The following SERPINA6 variants were observed in gnomAD, a reference collection of about 807,000 sequenced individuals.
SERPINA6 encodes the protein serpin family A member 6.
In SERPINA6, 19 loss-of-function variants were observed where a neutral mutation model predicts 26.4. The ratio of observed to expected loss-of-function variants is 0.72; its 90% CI spans 0.50 to 1.06. The LOEUF is 1.06. Ranked by LOEUF, SERPINA6 falls within the 50% of genes least tolerant of loss-of-function variation. The pLI is 0.00. For synonymous variants in SERPINA6, 196 were observed against 199.4 expected (o/e 0.98, Z 0.14); for missense variants, 473 against 504.0 (o/e 0.94, Z 0.59).
In SERPINA6 at chr14:94,314,316, G is replaced by T. The variant is rs776044619; in HGVS notation, c.333C>A (p.His111Gln). 6.4e-5 allele frequency: 103 copies of T among 1,614,068 alleles called. No individual in the cohort carries two copies. The highest frequency in any genetic ancestry group is 8.4e-5 in the Non-Finnish European group (99 of 1,180,030). Residue 111 changes from histidine (H) to glutamine (Q), a missense_variant, in exon 2 of 5, where the codon CAC (histidine) becomes CAA (glutamine). His to Gln is a conservative substitution (Grantham distance 24, BLOSUM62 0). Transcript: ENST00000341584. ...SETEIHQGFQ[H>Q]LHQLFAKSDT... is the part of the protein sequence containing the mutation. ...CTGACTTTGCAAAGAGTTGGTGCAGGTGCTGGAAACCCTGGTGGATCTCAG... is the reference window on the plus strand; with the variant it reads ...CTGACTTTGCAAAGAGTTGGTGCAGTTGCTGGAAACCCTGGTGGATCTCAG...
At chr14:94,323,068 C>A (rs1407567614) in intron 1 of SERPINA6, among the ~76,000 whole-genome samples, 199 bp downstream of exon 1, 1 of 152,212 alleles carries the variant, frequency 6.6e-6, no homozygotes, top group Non-Finnish European at 1.5e-5. Flanking sequence ...ACATCGGAAC[C>A]CCTGTGGATG....
At chr14:94,309,364 G>A (rs11623055) in intron 3 of SERPINA6, among the ~76,000 whole-genome samples, 72,359 of 151,828 alleles carry the variant, frequency 0.48, 18,376 homozygotes, top group East Asian at 0.93. Flanking sequence ...AGAATCTTTA[G>A]CAGGGCGTGG....
chr14:94,314,686 T>C lies in SERPINA6; in HGVS notation c.-19-19A>G, dbSNP rs564030930. On this transcript the variant is annotated intron_variant, in intron 1 of 4. Transcript: ENST00000341584. ...CCAGGCCCTGCCAAATCAGAAAAGC[T>C]TGTTAGATGCTGTGGCAGTCTCTGA... The C allele has an allele frequency of 1.0e-4, 166 of 1,605,776 alleles. No individual in the cohort carries two copies. The highest frequency in any genetic ancestry group is 1.6e-4 in the Middle Eastern group (1 of 6,078).
chr14:94,310,959 C>A (rs567261942), intron 2 of SERPINA6, among the ~76,000 whole-genome samples: 1 of 152,346 alleles, frequency 6.6e-6, no homozygotes, highest in Non-Finnish European at 1.5e-5. Flanking sequence ...CTAAAGGTGG[C>A]CAGAACATCA....
chr14:94,321,639 T>A (rs1390573424), intron 1 of SERPINA6, among the ~76,000 whole-genome samples: 1 of 152,164 alleles, frequency 6.6e-6, no homozygotes, highest in Non-Finnish European at 1.5e-5. Context: ...CAAAGATGGA[T>A]CTGCCTCAGT....
At chr14:94,317,336 T>C (rs1425572443) in intron 1 of SERPINA6, among the ~76,000 whole-genome samples, 2 of 152,182 alleles carry the variant, frequency 1.3e-5, no homozygotes, top group Admixed American at 1.3e-4. Flanking sequence ...CACCCTCGCA[T>C]GATAAAAACA....
At chr14:94,306,296 G>T in intron 3 of SERPINA6, 78 bp from the exon 4 acceptor site, 1 of 1,494,612 alleles carries the variant, frequency 6.7e-7, no homozygotes, top group Non-Finnish European at 9.3e-7. Flanking sequence ...TCTTCTCCTG[G>T]CCAGACTCTT....
chr14:94,310,793 C>T (rs1020636206), intron 2 of SERPINA6, among the ~76,000 whole-genome samples: 1 of 152,200 alleles, frequency 6.6e-6, no homozygotes, highest in Non-Finnish European at 1.5e-5. Flanking sequence ...CTTACCTGGG[C>T]TGAGTGTCAC....
At chr14:94,309,653 C>T in intron 3 of SERPINA6, 83 bp downstream of exon 3, 1 of 1,509,754 alleles carries the variant, frequency 6.6e-7, no homozygotes, top group Non-Finnish European at 9.1e-7. Flanking sequence ...AGGAAGGATG[C>T]CCCAGCATAC....
At chr14:94,311,716 G>T (rs1895532076) in intron 2 of SERPINA6, among the ~76,000 whole-genome samples, 1 of 152,116 alleles carries the variant, frequency 6.6e-6, no homozygotes, top group Non-Finnish European at 1.5e-5. Context: ...GAGGCGGGTG[G>T]ATCATGAGGT....
At chr14:94,315,551 C>T (rs1430613477) in intron 1 of SERPINA6, among the ~76,000 whole-genome samples, 1 of 152,114 alleles carries the variant, frequency 6.6e-6, no homozygotes, top group Non-Finnish European at 1.5e-5. Flanking sequence ...TATTTTTACA[C>T]ATTAGCCTTC....
rs542476433 is a variant in SERPINA6, at chr14:94,317,302, A to C, written c.-19-2635T>G. ...CATGATCATCTTAATTGGTGCAGAA[A>C]AAAGTATTTGACATAATTCAACACA... On this transcript the variant is annotated intron_variant, in intron 1 of 4. Transcript: ENST00000341584. 8.5e-5 allele frequency among the ~76,000 whole-genome samples: 13 copies of C among 152,352 alleles called. No individual in the cohort carries two copies. The South Asian group carries it at 1.9e-3, about 22-fold the overall frequency.
Position 94,312,103 on chromosome 14 carries a change from ACACT to A in SERPINA6, c.613+1929_613+1932del, listed in dbSNP as rs760881968. 7.9e-4 allele frequency among the ~76,000 whole-genome samples: 121 copies of A among 152,204 alleles called. 1 individual carries two copies. Among genetic ancestry groups the A allele is most frequent in the Admixed American group, 8.5e-4 (13 of 15,278 alleles). Reference sequence around the variant, plus strand: ...GTATTTTGCCAAAAGTTTTAACCAAACACTCACGGATTCGTTTTGTTGTATTATA... The same window carrying A: ...GTATTTTGCCAAAAGTTTTAACCAAACACGGATTCGTTTTGTTGTATTATA... On this transcript the variant is annotated intron_variant, in intron 2 of 4. Coordinates refer to ENST00000341584, the MANE Select transcript of SERPINA6 (RefSeq NM_001756.4).
Position 94,314,346 on chromosome 14 carries a change from A to G in SERPINA6, c.303T>C (p.Ser101=), listed in dbSNP as rs1405700935. 6.2e-7 allele frequency: 1 copy of G among 1,614,048 alleles called. No homozygotes were observed. Among genetic ancestry groups the G allele is most frequent in the Non-Finnish European group, 8.5e-7 (1 of 1,180,016 alleles). Residue 101 remains serine, a synonymous_variant, in exon 2 of 5, where the codon TCT becomes TCC. Transcript: ENST00000341584. ...QGLGFNLTER[S]ETEIHQGFQH... ...GGAAACCCTGGTGGATCTCAGTCTCAGACCTCTCAGTGAGGTTGAAACCCA... is the reference window on the plus strand; with the variant it reads ...GGAAACCCTGGTGGATCTCAGTCTCGGACCTCTCAGTGAGGTTGAAACCCA...
At chr14:94,315,106 A>G (rs934447450) in intron 1 of SERPINA6, among the ~76,000 whole-genome samples, 1 of 152,224 alleles carries the variant, frequency 6.6e-6, no homozygotes, top group Non-Finnish European at 1.5e-5. Flanking sequence ...TTTCCACAAT[A>G]CCTACCCTGC....
chr14:94,319,660 A>G (rs1283860237), intron 1 of SERPINA6, among the ~76,000 whole-genome samples: 1 of 152,244 alleles, frequency 6.6e-6, no homozygotes, highest in East Asian at 1.9e-4. Context: ...CATTTCCTAC[A>G]ACATGGATGA....
rs1185447885 is a variant in SERPINA6, at chr14:94,315,277, A to G, written c.-19-610T>C. On this transcript the variant is annotated intron_variant, in intron 1 of 4. Transcript: ENST00000341584. ...ATGTGTAGATATAATTTGTTACATC[A>G]GTAACTGGAAACAGGAACAGAGCTA... is the stretch of plus-strand genomic sequence containing the variant. Among the ~76,000 whole-genome samples, 3 of 31,022 alleles carry G rather than the reference A, an allele frequency of 9.7e-5. No homozygotes were observed. In the Admixed American group the frequency reaches 1.2e-3, roughly 12 times the overall value. 20.4% of individuals were successfully genotyped at this position (31,022 alleles called of 152,430 possible). A position where few individuals can be genotyped will look rare whatever the true frequency, so the allele number is the denominator to read the frequency against.
At chr14:94,313,084 G>A (rs1465101528) in intron 2 of SERPINA6, among the ~76,000 whole-genome samples, 1 of 152,212 alleles carries the variant, frequency 6.6e-6, no homozygotes, top group Admixed American at 6.5e-5. Flanking sequence ...ATGCATATGA[G>A]GGCAAAGTCT....
intron 1 of SERPINA6, among the ~76,000 whole-genome samples, chr14:94,315,426 C>G (rs1288530831): frequency 6.6e-6 from 1 of 152,112 alleles, no homozygotes; most frequent in African/African-American, 2.4e-5. Flanking sequence ...TATTGTTTTT[C>G]TATTCTTGAT....
Sources: gnomAD v4.1 joint callset for allele counts (sites outside exome capture counted in the v4.1 genomes callset) on GRCh38, gnomAD v4.1.1 for gene constraint, MANE v1.5 for transcripts, NCBI Gene and HGNC (gene_info 2026-07-23, HGNC 2026-07-21) for gene names.